The following DYRK1A variants were observed in gnomAD, a reference collection of about 807,000 sequenced individuals.
DYRK1A encodes dual specificity tyrosine-phosphorylation-regulated kinase 1A.
DYRK1A carries 9 observed loss-of-function variants against 79.7 expected under a neutral mutation model. That is an observed-to-expected ratio of 0.11 (90% CI 0.07 to 0.20). The LOEUF is 0.20. DYRK1A is among the 10% of genes least tolerant of loss of function. DYRK1A has a pLI of 1.00. For synonymous variants in DYRK1A, 349 were observed against 329.7 expected, an observed-to-expected ratio of 1.06 and a Z score of -0.63; for missense variants, 622 against 956.0, an observed-to-expected ratio of 0.65 and a Z score of 4.61.
chr21:37,390,612 A>G (rs1001054592), intron 1 of DYRK1A, among the ~76,000 whole-genome samples: 6 of 152,124 alleles, frequency 3.9e-5, no homozygotes, highest in African/African-American at 1.4e-4. Context: ...TCTGTCACTC[A>G]GGCTGGAGTG....
At chr21:37,393,177 G>GAAA (rs2049902197) in intron 1 of DYRK1A, among the ~76,000 whole-genome samples, 1 of 152,190 alleles carries the variant, frequency 6.6e-6, no homozygotes, top group African/African-American at 2.4e-5. Flanking sequence ...CTGGTATCCA[G>GAAA]GATGCTTGCC....
intron 1 of DYRK1A, among the ~76,000 whole-genome samples, chr21:37,370,633 C>T (rs1194512988): frequency 6.6e-6 from 1 of 152,160 alleles, no homozygotes; most frequent in Admixed American, 6.5e-5. Flanking sequence ...TATCTAAACC[C>T]AGCAAAACCC....
Position 37,479,606 on chromosome 21 carries a change from GTTTTTGTTTTTTGTT to G in DYRK1A, c.301-1026_301-1012del, listed in dbSNP as rs1250975277. 2.5e-4 allele frequency among the ~76,000 whole-genome samples: 7 copies of G among 27,594 alleles called. 1 individual carries two copies. Among genetic ancestry groups the G allele is most frequent in the African/African-American group, 8.8e-4 (6 of 6,794 alleles). The allele number at this position is 27,594 out of a possible 152,430, so 18.1% of individuals were successfully genotyped here. ...GTGTTGGTGTTTTGTTTTTGTTTTT[GTTTTTGTTTTTTGTT>G]TTTTTTTTTTTTTTTGGAGACAGAG... On this transcript the variant is annotated intron_variant, in intron 4 of 11. Coordinates refer to ENST00000647188, the MANE Select transcript of DYRK1A (RefSeq NM_001347721.2).
chr21:37,377,263 G>A (rs2049564567), intron 1 of DYRK1A, among the ~76,000 whole-genome samples: 1 of 152,076 alleles, frequency 6.6e-6, no homozygotes, highest in Non-Finnish European at 1.5e-5. Context: ...GGGACTACAG[G>A]CCCCTGCCAC....
chr21:37,378,580 T>C (rs1412708725), intron 1 of DYRK1A, among the ~76,000 whole-genome samples: 1 of 152,218 alleles, frequency 6.6e-6, no homozygotes, highest in Non-Finnish European at 1.5e-5. Context: ...ATTTCGTTAC[T>C]CTGTTGATTG....
intron 2 of DYRK1A, among the ~76,000 whole-genome samples, chr21:37,470,424 T>A (rs1465546924): frequency 1.3e-5 from 2 of 152,218 alleles, no homozygotes; most frequent in African/African-American, 4.8e-5. Context: ...AAGCTAACAT[T>A]TTTATAAAAA....
chr21:37,517,874 A>T lies in DYRK1A; in HGVS notation c.*5343A>T, dbSNP rs1156625479. The stretch of plus-strand genomic sequence containing the variant: ...AAGAAAATACCTCTAGTGGCATGAA[A>T]CGGCTAAGTTTTTTTTAATGTTACT... On this transcript the variant is annotated 3_prime_UTR_variant, in exon 12 of 12. Coordinates refer to ENST00000647188, the MANE Select transcript of DYRK1A (RefSeq NM_001347721.2). The T allele has an allele frequency of 1.3e-5, 2 of 152,148 alleles. No individual in the cohort carries two copies. The highest frequency in any genetic ancestry group is 4.8e-5 in the African/African-American group (2 of 41,416). 9.4% of individuals were successfully genotyped at this position (152,148 alleles called of 1,614,324 possible).
At chr21:37,454,698 T>A (rs781425849) in intron 2 of DYRK1A, among the ~76,000 whole-genome samples, 4 of 152,228 alleles carry the variant, frequency 2.6e-5, no homozygotes, top group Non-Finnish European at 5.9e-5. Flanking sequence ...TTACTTGAGA[T>A]AAAATATCCA....
chr21:37,403,641 A>AT (rs1569295285), intron 1 of DYRK1A, among the ~76,000 whole-genome samples: 2 of 97,162 alleles, frequency 2.1e-5, no homozygotes, highest in African/African-American at 9.2e-5. Flanking sequence ...AATTAAAAAA[A>AT]AAAAAAAATA....
chr21:37,400,956 C>T (rs993080300), intron 1 of DYRK1A, among the ~76,000 whole-genome samples: 1 of 151,940 alleles, frequency 6.6e-6, no homozygotes, highest in Non-Finnish European at 1.5e-5. Flanking sequence ...ACAGCCTGGC[C>T]AACATGATGA....
In DYRK1A at chr21:37,482,414, G is replaced by A. The variant is rs546130980; in HGVS notation, c.489+1588G>A. 2.0e-5 allele frequency among the ~76,000 whole-genome samples: 3 copies of A among 152,292 alleles called. No homozygotes were observed. The East Asian group carries it at 5.8e-4, about 29-fold the overall frequency. On this transcript the variant is annotated intron_variant, in intron 5 of 11. Transcript: ENST00000647188. Reference sequence around the variant, plus strand: ...CGGTAGGTTCTCTGATGCCCCACAAGCCGCAAAACCAGCAAGTTTTTATTA... The same window carrying A: ...CGGTAGGTTCTCTGATGCCCCACAAACCGCAAAACCAGCAAGTTTTTATTA...
At chr21:37,368,002 C>G (rs1184300769) in intron 1 of DYRK1A, 1 of 157,710 alleles carries the variant, frequency 6.3e-6, no homozygotes, top group African/African-American at 2.4e-5. Flanking sequence ...TCCCTCGTCC[C>G]TCCTCTCGGT....
At chr21:37,450,662 C>T (rs954268209) in intron 2 of DYRK1A, among the ~76,000 whole-genome samples, 14 of 152,136 alleles carry the variant, frequency 9.2e-5, no homozygotes, top group Admixed American at 4.6e-4. Context: ...TTTAGGAGCT[C>T]GTGAGAGTTC....
At chr21:37,464,006 A>G (rs1271386239) in intron 2 of DYRK1A, among the ~76,000 whole-genome samples, 2 of 152,210 alleles carry the variant, frequency 1.3e-5, no homozygotes, top group Non-Finnish European at 2.9e-5. Context: ...CTGTCACAGG[A>G]ATGGTCCCCT....
At chr21:37,375,147 T>TA (rs1243440211) in intron 1 of DYRK1A, 5 of 152,224 alleles carry the variant, frequency 3.3e-5, no homozygotes, top group Non-Finnish European at 7.3e-5. Flanking sequence ...TGTGGGAGCT[T>TA]ATGTCTAGTG....
At chr21:37,448,135 C>G (rs1011290538) in intron 2 of DYRK1A, among the ~76,000 whole-genome samples, 1 of 151,932 alleles carries the variant, frequency 6.6e-6, no homozygotes, top group Non-Finnish European at 1.5e-5. Context: ...AAAATGTAGT[C>G]GGGATTGTTC....
In DYRK1A at chr21:37,521,127, G is replaced by GTATTCACT. The variant is rs1386488929; in HGVS notation, c.*8597_*8604dup. ...TTGTCCAGGGAGGGCTCCCACGTGC[G>GTATTCACT]TATTCACTAATTGTGGTCTTTCTCC... On this transcript the variant is annotated 3_prime_UTR_variant, in exon 12 of 12. Transcript: ENST00000647188. 2 of 152,214 alleles carry GTATTCACT rather than the reference G, an allele frequency of 1.3e-5. No individual in the cohort carries two copies. Among genetic ancestry groups the GTATTCACT allele is most frequent in the African/African-American group, 4.8e-5 (2 of 41,458 alleles). 9.4% of individuals were successfully genotyped at this position (152,214 alleles called of 1,614,324 possible). A position where few individuals can be genotyped will look rare whatever the true frequency, so the allele number is the denominator to read the frequency against.
intron 2 of DYRK1A, among the ~76,000 whole-genome samples, 168 bp from the exon 3 acceptor site, chr21:37,472,516 A>G (rs1021495124): frequency 2.6e-5 from 4 of 152,252 alleles, no homozygotes; most frequent in African/African-American, 9.6e-5. Context: ...CTTCTATACC[A>G]TTAAAAACAT....
chr21:37,378,674 C>A (rs186499621), intron 1 of DYRK1A, among the ~76,000 whole-genome samples: 74 of 152,248 alleles, frequency 4.9e-4, no homozygotes, highest in African/African-American at 1.7e-3. Context: ...ATTTGCATGT[C>A]CTCTGTATGA....
Sources: gnomAD v4.1 joint callset for allele counts (sites outside exome capture counted in the v4.1 genomes callset) on GRCh38, gnomAD v4.1.1 for gene constraint, MANE v1.5 for transcripts, NCBI Gene and HGNC (gene_info 2026-07-23, HGNC 2026-07-21) for gene names.